PKIG: variants seen among roughly 807,000 people sequenced by gnomAD.
PKIG encodes cAMP-dependent protein kinase inhibitor gamma.
In PKIG, 1 loss-of-function variant was observed where a neutral mutation model predicts 6.8. The observed-to-expected ratio is 0.15, with a 90% CI of 0.05 to 0.69. The LOEUF (loss-of-function observed/expected upper bound fraction) is 0.69. Ranked by LOEUF, PKIG falls within the 30% of genes least tolerant of loss-of-function variation. PKIG has a pLI of 0.82. For synonymous variants in PKIG, 39 were observed against 43.0 expected (o/e 0.91, Z 0.36); for missense variants, 77 against 104.0 (o/e 0.74, Z 1.13).
chr20:44,618,015 G>C (rs1342595054), intron 3 of PKIG, among the ~76,000 whole-genome samples: 2 of 152,068 alleles, frequency 1.3e-5, no homozygotes, highest in Non-Finnish European at 2.9e-5. Context: ...ACCTTCAAGA[G>C]CCCTTCACTT....
At chr20:44,542,761 T>G (rs2064573587) in intron 1 of PKIG, among the ~76,000 whole-genome samples, 1 of 151,992 alleles carries the variant, frequency 6.6e-6, no homozygotes, top group African/African-American at 2.4e-5. Context: ...CCCAGCTAAT[T>G]TTTGTATTTT....
intron 1 of PKIG, among the ~76,000 whole-genome samples, chr20:44,544,214 G>A (rs1418806858): frequency 6.6e-6 from 1 of 152,114 alleles, no homozygotes; most frequent in Non-Finnish European, 1.5e-5. Context: ...ATGCCCTGAT[G>A]GGCTTAGGCC....
chr20:44,578,260 G>A (rs1282722955), upstream of PKIG, among the ~76,000 whole-genome samples: 2 of 148,140 alleles, frequency 1.4e-5, no homozygotes, highest in African/African-American at 2.5e-5. Context: ...AGAATGGCGT[G>A]AACCTGGGAG....
chr20:44,600,902 G>A (rs1422151355), intron 2 of PKIG, among the ~76,000 whole-genome samples: 1 of 152,022 alleles, frequency 6.6e-6, no homozygotes, highest in Admixed American at 6.6e-5. Flanking sequence ...TCAATAGGCT[G>A]AGTCAGAAAT....
intron 1 of PKIG, among the ~76,000 whole-genome samples, chr20:44,584,869 G>A (rs1022077970): frequency 7.2e-5 from 11 of 152,118 alleles, no homozygotes; most frequent in African/African-American, 2.4e-4. Flanking sequence ...GATTACAGGC[G>A]CCTGCCACCA....
intron 1 of PKIG, among the ~76,000 whole-genome samples, chr20:44,568,798 A>G (rs908812588): frequency 6.6e-6 from 1 of 152,040 alleles, no homozygotes; most frequent in Non-Finnish European, 1.5e-5. Flanking sequence ...CGATAGTATC[A>G]TTTATTGTGA....
intron 1 of PKIG, among the ~76,000 whole-genome samples, chr20:44,551,793 G>A (rs184807847): frequency 1.8e-3 from 281 of 152,248 alleles, no homozygotes; most frequent in Non-Finnish European, 3.2e-3. Flanking sequence ...TCAGAGTTGA[G>A]GTAATAAAGG....
intron 2 of PKIG, among the ~76,000 whole-genome samples, chr20:44,605,848 G>A (rs963930665): frequency 6.6e-5 from 10 of 152,000 alleles, no homozygotes; most frequent in African/African-American, 2.4e-4. Context: ...GGAGTTCAAG[G>A]TTGCTGTGAG....
intron 2 of PKIG, among the ~76,000 whole-genome samples, chr20:44,607,430 G>A: frequency 7.0e-6 from 1 of 142,060 alleles, no homozygotes; most frequent in East Asian, 2.1e-4. Context: ...AGGCTGGAGT[G>A]CAGTGGCGCA....
rs986039479 is a variant in PKIG, at chr20:44,602,764, C to T, written c.-23-11770C>T. On this transcript the variant is annotated intron_variant, in intron 2 of 3. Transcript: ENST00000372886. ...GCTGAGGCAGGAAAAGCACTTGAAC[C>T]GGGGAGGTGGAGGTTGCAGTGAGCA... Among the ~76,000 whole-genome samples, 15 of 149,022 alleles carry T rather than the reference C, an allele frequency of 1.0e-4. No individual in the cohort carries two copies. In the Admixed American group the frequency reaches 1.0e-3, roughly 10 times the overall value.
upstream of PKIG, among the ~76,000 whole-genome samples, chr20:44,579,741 G>A (rs142600419): frequency 4.6e-5 from 7 of 152,294 alleles, no homozygotes; most frequent in East Asian, 5.8e-4. Flanking sequence ...GAATTATTCC[G>A]TTCACAAGGG....
At chr20:44,544,360 G>A (rs910581200) in intron 1 of PKIG, among the ~76,000 whole-genome samples, 1 of 152,154 alleles carries the variant, frequency 6.6e-6, no homozygotes, top group African/African-American at 2.4e-5. Context: ...TGGTCGAAGA[G>A]GAATTGTGTT....
intron 2 of PKIG, among the ~76,000 whole-genome samples, chr20:44,606,510 TTTATAA>T (rs1452904891): frequency 6.6e-6 from 1 of 152,014 alleles, no homozygotes; most frequent in Non-Finnish European, 1.5e-5. Context: ...TTAGGCACCT[TTTATAA>T]AAGGGCTTGA....
At chr20:44,610,016 G>A (rs907326229) in intron 2 of PKIG, among the ~76,000 whole-genome samples, 5 of 152,204 alleles carry the variant, frequency 3.3e-5, no homozygotes, top group South Asian at 2.1e-4. Context: ...AGCATTGAGC[G>A]GTTTCCCCAG....
At chr20:44,603,406 G>T (rs532836132) in intron 2 of PKIG, among the ~76,000 whole-genome samples, 1 of 152,266 alleles carries the variant, frequency 6.6e-6, no homozygotes, top group African/African-American at 2.4e-5. Context: ...GTGACTGTTA[G>T]CCCCGCTTTG....
At chr20:44,575,585 C>T (rs1433021106) in intron 1 of PKIG, among the ~76,000 whole-genome samples, 1 of 152,206 alleles carries the variant, frequency 6.6e-6, no homozygotes, top group East Asian at 1.9e-4. Flanking sequence ...TGGGAAGCTG[C>T]TGGGTACTGG....
intron 2 of PKIG, among the ~76,000 whole-genome samples, chr20:44,599,041 CCAAAACAGG>C (rs1414570154): frequency 6.6e-6 from 1 of 152,164 alleles, no homozygotes; most frequent in Non-Finnish European, 1.5e-5. Context: ...AGCTGAATAT[CCAAAACAGG>C]ATGTTGCTTA....
chr20:44,613,951 A>T (rs1013885362), intron 2 of PKIG, among the ~76,000 whole-genome samples: 1 of 151,830 alleles, frequency 6.6e-6, no homozygotes, highest in Non-Finnish European at 1.5e-5. Context: ...CCAAGCCCTC[A>T]TGCCTCCCTC....
intron 2 of PKIG, among the ~76,000 whole-genome samples, chr20:44,596,922 A>C (rs1294806369): frequency 6.6e-6 from 1 of 152,166 alleles, no homozygotes; most frequent in Non-Finnish European, 1.5e-5. Flanking sequence ...GTCCCCAGTG[A>C]CTGTCATTCC....
Sources: gnomAD v4.1 joint callset for allele counts (sites outside exome capture counted in the v4.1 genomes callset) on GRCh38, gnomAD v4.1.1 for gene constraint, MANE v1.5 for transcripts, NCBI Gene and HGNC (gene_info 2026-07-23, HGNC 2026-07-21) for gene names.